The following ENTREP2 variants were observed in gnomAD, a reference collection of about 807,000 sequenced individuals.
The protein encoded by ENTREP2 is protein ENTREP2.
At chr15:29,306,664 ATTTTTTTTTTTTTTTTTTT>A in the ENTREP2 span, among the ~76,000 whole-genome samples, 759 of 77,306 alleles carry the variant, frequency 9.8e-3, 11 homozygotes, top group Admixed American at 0.058. Context: ...ATAATTGGTA[ATTTTTTTTTTTTTTTTTTT>A]TTTTTTTTTT....
the ENTREP2 span, among the ~76,000 whole-genome samples, chr15:29,314,940 T>G: frequency 6.6e-6 from 1 of 152,060 alleles, no homozygotes; most frequent in Admixed American, 6.6e-5. Flanking sequence ...TAGTCCCAGC[T>G]ACTTGGGAGG....
the ENTREP2 span, among the ~76,000 whole-genome samples, chr15:29,285,879 G>C: frequency 6.6e-6 from 1 of 152,130 alleles, no homozygotes; most frequent in Non-Finnish European, 1.5e-5. Flanking sequence ...AGGAAATAAG[G>C]TTGGTTCAAC....
At chr15:29,248,612 T>C in the ENTREP2 span, among the ~76,000 whole-genome samples, 1 of 152,144 alleles carries the variant, frequency 6.6e-6, no homozygotes, top group Non-Finnish European at 1.5e-5. Context: ...TATGTATAAA[T>C]ACATATAAGC....
chr15:29,364,522 A>G, the ENTREP2 span, among the ~76,000 whole-genome samples: 363 of 152,310 alleles, frequency 2.4e-3, no homozygotes, highest in African/African-American at 8.4e-3. Context: ...ACGTCCTTCC[A>G]TTCAGCTCTC....
chr15:29,230,710 G>A, the ENTREP2 span, among the ~76,000 whole-genome samples: 3 of 152,112 alleles, frequency 2.0e-5, no homozygotes, highest in African/African-American at 4.8e-5. Context: ...AGGGAAAGGA[G>A]ATTAGAGTGT....
At chr15:29,582,321 T>A in the ENTREP2 span, among the ~76,000 whole-genome samples, 2 of 152,034 alleles carry the variant, frequency 1.3e-5, no homozygotes, top group Non-Finnish European at 2.9e-5. Context: ...TCAAAATGAA[T>A]CATGGACGGA....
the ENTREP2 span, among the ~76,000 whole-genome samples, chr15:29,395,703 T>C: frequency 8.4e-6 from 1 of 118,572 alleles, no homozygotes; most frequent in African/African-American, 4.6e-5. Flanking sequence ...AGTTTTCGTA[T>C]TTTTTTTTCT....
the ENTREP2 span, among the ~76,000 whole-genome samples, chr15:29,638,840 C>T: frequency 1.3e-5 from 2 of 152,334 alleles, no homozygotes; most frequent in Admixed American, 1.3e-4. Flanking sequence ...ACTAAGATTG[C>T]CTTGTCGATT....
chr15:29,627,134 G>A, the ENTREP2 span, among the ~76,000 whole-genome samples: 2 of 152,106 alleles, frequency 1.3e-5, no homozygotes. Context: ...TTAGCTGCAT[G>A]TCACAAATTT....
At chr15:29,525,911 C>A in the ENTREP2 span, among the ~76,000 whole-genome samples, 1 of 152,112 alleles carries the variant, frequency 6.6e-6, no homozygotes, top group African/African-American at 2.4e-5. Flanking sequence ...AGAAATAAGG[C>A]CCTCCTTTCC....
chr15:29,221,824 C>T, the ENTREP2 span, among the ~76,000 whole-genome samples: 1 of 152,128 alleles, frequency 6.6e-6, no homozygotes, highest in Non-Finnish European at 1.5e-5. Flanking sequence ...GCACGATTTT[C>T]CACCACAGAG....
chr15:29,576,868 C>T, the ENTREP2 span, among the ~76,000 whole-genome samples: 2 of 152,122 alleles, frequency 1.3e-5, no homozygotes, highest in African/African-American at 2.4e-5. Context: ...AGTGCAGTGG[C>T]GTGATCTCGG....
At chr15:29,503,407 G>A in the ENTREP2 span, among the ~76,000 whole-genome samples, 35 of 152,150 alleles carry the variant, frequency 2.3e-4, no homozygotes, top group Non-Finnish European at 4.3e-4. Flanking sequence ...GAAACAGATA[G>A]TAGATTTGAG....
chr15:29,313,396 ACT>A, the ENTREP2 span, among the ~76,000 whole-genome samples: 1 of 152,126 alleles, frequency 6.6e-6, no homozygotes, highest in Non-Finnish European at 1.5e-5. Flanking sequence ...GGACAGACTG[ACT>A]CTCTTGCTAG....
chr15:29,404,743 C>G, the ENTREP2 span, among the ~76,000 whole-genome samples: 3 of 152,060 alleles, frequency 2.0e-5, no homozygotes, highest in Non-Finnish European at 2.9e-5. Flanking sequence ...CCTGTGTCCA[C>G]CCACTGGCCT....
the ENTREP2 span, among the ~76,000 whole-genome samples, chr15:29,558,977 T>A: frequency 6.6e-6 from 1 of 152,080 alleles, no homozygotes; most frequent in Non-Finnish European, 1.5e-5. Context: ...TATGAGGCTA[T>A]TAGTAGTTAC....
At chr15:29,634,888 G>A in the ENTREP2 span, among the ~76,000 whole-genome samples, 1 of 152,196 alleles carries the variant, frequency 6.6e-6, no homozygotes, top group Non-Finnish European at 1.5e-5. Flanking sequence ...GGAGCACGAA[G>A]CTTCTACGCC....
chr15:29,504,374 GT>G, the ENTREP2 span, among the ~76,000 whole-genome samples: 3 of 152,118 alleles, frequency 2.0e-5, no homozygotes. Flanking sequence ...TGAAAAGCAA[GT>G]TTCAGAATGA....
the ENTREP2 span, among the ~76,000 whole-genome samples, chr15:29,238,527 C>A: frequency 6.6e-6 from 1 of 151,902 alleles, no homozygotes; most frequent in East Asian, 1.9e-4. Context: ...CCCAGCTACT[C>A]GGGAGGCTGA....
Sources: allele counts gnomAD v4.1 joint callset (sites outside exome capture counted in the v4.1 genomes callset), GRCh38; gene constraint gnomAD v4.1.1; transcripts MANE v1.5; gene names NCBI Gene and HGNC (gene_info 2026-07-23, HGNC 2026-07-21).